Variants in ZNG1B observed in about 807,000 individuals in gnomAD.
ZNG1B encodes the protein Zn regulated GTPase metalloprotein activator 1B.
the ZNG1B span, among the ~76,000 whole-genome samples, chr2:113,445,786 C>T: frequency 7.6e-6 from 1 of 132,186 alleles, no homozygotes; most frequent in African/African-American, 3.0e-5. Flanking sequence ...TGAATCTGAC[C>T]CATACCATTA....
the ZNG1B span, among the ~76,000 whole-genome samples, chr2:113,463,313 T>C: frequency 6.6e-6 from 1 of 152,162 alleles, no homozygotes; most frequent in Admixed American, 6.5e-5. Context: ...TGGTTATCTT[T>C]AATGTGTACA....
At chr2:113,440,889 T>G in the ZNG1B span, among the ~76,000 whole-genome samples, 1 of 144,400 alleles carries the variant, frequency 6.9e-6, no homozygotes, top group Non-Finnish European at 1.5e-5. Flanking sequence ...ACCTGCTGGA[T>G]AAAGTTGGTA....
the ZNG1B span, among the ~76,000 whole-genome samples, chr2:113,490,641 C>T: frequency 2.0e-5 from 3 of 151,456 alleles, no homozygotes; most frequent in African/African-American, 4.9e-5. Context: ...AGAAATGAAA[C>T]GGGAGATATT....
chr2:113,488,238 G>T, the ZNG1B span, among the ~76,000 whole-genome samples: 1 of 152,174 alleles, frequency 6.6e-6, no homozygotes, highest in African/African-American at 2.4e-5. Context: ...TGGTAGACTT[G>T]CTGGGTGGCT....
chr2:113,494,566 C>A, the ZNG1B span: 3 of 920,740 alleles, frequency 3.3e-6, no homozygotes, highest in African/African-American at 5.6e-5. Context: ...AAATTAATTT[C>A]ATCCCCATAG....
At chr2:113,490,226 C>T in the ZNG1B span, among the ~76,000 whole-genome samples, 11 of 151,590 alleles carry the variant, frequency 7.3e-5, no homozygotes, top group South Asian at 1.2e-3. Flanking sequence ...AAAACCATGC[C>T]GATACGTGGA....
At chr2:113,472,494 A>G in the ZNG1B span, among the ~76,000 whole-genome samples, 1 of 151,546 alleles carries the variant, frequency 6.6e-6, no homozygotes, top group Non-Finnish European at 1.5e-5. Context: ...GTTTAATTAG[A>G]TCCCATCTGT....
chr2:113,447,698 TTTG>T, the ZNG1B span: 1 of 426,014 alleles, frequency 2.3e-6, no homozygotes, highest in Non-Finnish European at 4.7e-6. Context: ...TTTTAAATCC[TTTG>T]TTGTCATTTT....
At chr2:113,466,724 C>T in the ZNG1B span, 1 of 984,994 alleles carries the variant, frequency 1.0e-6, no homozygotes, top group African/African-American at 1.7e-5. Flanking sequence ...ATTAAATATT[C>T]TCTCAAATTC....
chr2:113,460,742 T>C, the ZNG1B span: 1 of 1,588,008 alleles, frequency 6.3e-7, no homozygotes, highest in African/African-American at 1.3e-5. Flanking sequence ...AAAGTATATA[T>C]TGATTGCTGG....
At chr2:113,454,463 A>T in the ZNG1B span, among the ~76,000 whole-genome samples, 2 of 150,712 alleles carry the variant, frequency 1.3e-5, no homozygotes, top group East Asian at 3.9e-4. Context: ...GTGCCAAGGA[A>T]ATCTTATTTT....
chr2:113,461,112 T>C, the ZNG1B span, among the ~76,000 whole-genome samples: 1 of 150,210 alleles, frequency 6.7e-6, no homozygotes, highest in Non-Finnish European at 1.5e-5. Context: ...CAGGCTGAAG[T>C]GCAGGCTCAC....
the ZNG1B span, chr2:113,462,342 A>C: frequency 7.2e-7 from 1 of 1,395,754 alleles, no homozygotes; most frequent in Non-Finnish European, 9.8e-7. Context: ...TCCTCTTTTG[A>C]TGTATTAATC....
chr2:113,478,957 G>C, the ZNG1B span, among the ~76,000 whole-genome samples: 1 of 151,824 alleles, frequency 6.6e-6, no homozygotes, highest in Non-Finnish European at 1.5e-5. Flanking sequence ...CTTCAGTTGA[G>C]AGATACGTTT....
At chr2:113,477,593 G>T in the ZNG1B span, among the ~76,000 whole-genome samples, 5 of 152,172 alleles carry the variant, frequency 3.3e-5, no homozygotes, top group Non-Finnish European at 7.3e-5. Context: ...CTCCTGTGGG[G>T]AATCTTTTTG....
the ZNG1B span, chr2:113,454,714 G>A: frequency 6.4e-7 from 1 of 1,571,612 alleles, no homozygotes; most frequent in East Asian, 2.3e-5. Flanking sequence ...TTTTTAAAAA[G>A]TGATTAAAAT....
At chr2:113,447,977 A>C in the ZNG1B span, 1 of 389,462 alleles carries the variant, frequency 2.6e-6, no homozygotes. Flanking sequence ...TCATGTTGAT[A>C]CTCTATTCAT....
At chr2:113,473,414 T>G in the ZNG1B span, among the ~76,000 whole-genome samples, 2 of 138,940 alleles carry the variant, frequency 1.4e-5, no homozygotes, top group African/African-American at 2.7e-5. Flanking sequence ...TCTAGATATA[T>G]AATCATGTCA....
At chr2:113,450,755 G>C in the ZNG1B span, among the ~76,000 whole-genome samples, 2 of 147,480 alleles carry the variant, frequency 1.4e-5, no homozygotes, top group African/African-American at 2.5e-5. Flanking sequence ...TTCTTGATGT[G>C]GGAGAACTTC....
Sources: gnomAD v4.1 joint callset for allele counts (sites outside exome capture counted in the v4.1 genomes callset) on GRCh38, gnomAD v4.1.1 for gene constraint, MANE v1.5 for transcripts, NCBI Gene and HGNC (gene_info 2026-07-23, HGNC 2026-07-21) for gene names.